The following RPH3AL variants were observed in gnomAD, a reference collection of about 807,000 sequenced individuals.
RPH3AL encodes rab effector Noc2.
Under a neutral mutation model 43.1 loss-of-function variants are expected in RPH3AL, and 38 were observed. The observed-to-expected ratio is 0.88, with a 90% confidence interval of 0.68 to 1.15. The LOEUF is 1.15. Ranked by LOEUF, RPH3AL falls within the 50% of genes most tolerant of loss-of-function variation. RPH3AL has a pLI of 0.00. For synonymous variants in RPH3AL, 189 were observed against 176.3 expected (o/e 1.07, Z -0.57); for missense variants, 462 against 423.2 (o/e 1.09, Z -0.81).
intron 2 of RPH3AL, chr17:331,370 G>A: frequency 6.8e-6 from 1 of 147,738 alleles, no homozygotes; most frequent in Non-Finnish European, 1.3e-5. Flanking sequence ...GCCAGGGCAG[G>A]TTCATCACTG....
intron 8 of RPH3AL, among the ~76,000 whole-genome samples, chr17:219,293 G>A (rs1567559226): frequency 1.6e-5 from 2 of 127,896 alleles, no homozygotes; most frequent in Admixed American, 2.0e-4. Context: ...CCACCCCCTG[G>A]ATTCAGGCAA....
intron 5 of RPH3AL, among the ~76,000 whole-genome samples, chr17:293,746 T>C (rs919463170): frequency 1.3e-5 from 2 of 152,112 alleles, no homozygotes; most frequent in African/African-American, 4.8e-5. Flanking sequence ...CCAGCAAATC[T>C]GGTCGGGCGC....
At chr17:223,741 G>A (rs2041044219) in intron 7 of RPH3AL, among the ~76,000 whole-genome samples, 1 of 152,182 alleles carries the variant, frequency 6.6e-6, no homozygotes, top group Non-Finnish European at 1.5e-5. Context: ...AGAGGCTTCT[G>A]GAAAAGCCTT....
intron 7 of RPH3AL, among the ~76,000 whole-genome samples, chr17:244,312 A>G (rs2041691264): frequency 1.3e-5 from 2 of 151,718 alleles, no homozygotes; most frequent in South Asian, 4.2e-4. Context: ...TCCTCTTCCA[A>G]CAGGGCATGA....
At chr17:229,842 G>T (rs1028010129) in intron 7 of RPH3AL, among the ~76,000 whole-genome samples, 6 of 152,220 alleles carry the variant, frequency 3.9e-5, no homozygotes, top group African/African-American at 1.4e-4. Context: ...GGGAGAAAGG[G>T]GGCTCTGAGG....
chr17:316,622 C>A (rs1252462711), intron 5 of RPH3AL, among the ~76,000 whole-genome samples: 3 of 142,598 alleles, frequency 2.1e-5, no homozygotes, highest in Non-Finnish European at 4.6e-5. Context: ...GACTTGTAGT[C>A]CCTGTACTCC....
chr17:235,251 A>AAAGCTG (rs2041340365), intron 7 of RPH3AL, among the ~76,000 whole-genome samples: 2 of 107,190 alleles, frequency 1.9e-5, no homozygotes, highest in Non-Finnish European at 4.0e-5. Context: ...AGACGGGTCC[A>AAAGCTG]GGGTCCAAAG....
Position 314,755 on chromosome 17 carries a change from GACCTGTAGTCTCTGTGA to G in RPH3AL, c.351+4648_351+4664del, listed in dbSNP as rs1555519022. ...GTAGTCTCTGTGCTCCACCTCCATT[GACCTGTAGTCTCTGTGA>G]CCCCACCTCCATTGACCTGTAGTCC... On this transcript the variant is annotated intron_variant, in intron 5 of 9. Transcript: ENST00000331302. Among the ~76,000 whole-genome samples, 143 of 149,582 alleles carry G rather than the reference GACCTGTAGTCTCTGTGA, an allele frequency of 9.6e-4. 1 individual carries two copies. Among genetic ancestry groups the G allele is most frequent in the Middle Eastern group, 3.6e-3 (1 of 276 alleles).
At chr17:293,885 C>A (rs1169859623) in intron 5 of RPH3AL, among the ~76,000 whole-genome samples, 1 of 151,984 alleles carries the variant, frequency 6.6e-6, no homozygotes, top group Non-Finnish European at 1.5e-5. Flanking sequence ...AAAAATTAGC[C>A]GGGCGCGGTG....
In RPH3AL at chr17:289,615, G is replaced by A. The variant is rs535115918; in HGVS notation, c.352-7761C>T. ...ACTTAAAAGCCATCAGAGGCTTCCCGCTGCTCTGGGGTGACCACCGCCTCA... is the reference window on the plus strand; with the variant it reads ...ACTTAAAAGCCATCAGAGGCTTCCCACTGCTCTGGGGTGACCACCGCCTCA... On this transcript the variant is annotated intron_variant, in intron 5 of 9. Coordinates refer to ENST00000331302, the MANE Select transcript of RPH3AL (RefSeq NM_006987.4). The surrounding 1 kb of genome is among the most constrained non-coding windows in gnomAD (Gnocchi z 5.2). Among the ~76,000 whole-genome samples, 18 of 152,112 alleles carry A rather than the reference G, an allele frequency of 1.2e-4. No homozygotes were observed. The highest frequency in any genetic ancestry group is 1.9e-4 in the African/African-American group (8 of 41,508).
At chr17:262,517 A>G (rs1262545207) in intron 6 of RPH3AL, among the ~76,000 whole-genome samples, 1 of 150,392 alleles carries the variant, frequency 6.6e-6, no homozygotes, top group African/African-American at 2.4e-5. Context: ...CCCGGCCAAC[A>G]AAATAATTTT....
At chr17:310,332 C>T (rs1598067180) in intron 5 of RPH3AL, among the ~76,000 whole-genome samples, 2 of 152,192 alleles carry the variant, frequency 1.3e-5, no homozygotes, top group South Asian at 2.1e-4. Context: ...TCGGCTTCCA[C>T]CCACAAGCTC....
At chr17:317,521 C>G (rs74192827) in intron 5 of RPH3AL, among the ~76,000 whole-genome samples, 3 of 151,916 alleles carry the variant, frequency 2.0e-5, no homozygotes, top group African/African-American at 7.3e-5. Context: ...GCCCCCACCT[C>G]CATTGACCTG....
rs1228020145 is a variant in RPH3AL at position 225,989 on chromosome 17, G to A, written c.614-6253C>T. 3.3e-5 allele frequency among the ~76,000 whole-genome samples: 5 copies of A among 152,218 alleles called. No individual in the cohort carries two copies. Among genetic ancestry groups the A allele is most frequent in the Admixed American group, 6.5e-5 (1 of 15,280 alleles). ...AGTTGGGCTGGGAGCAGGCGAAAACGGCAAGACAACCGTGAACCATGCCGT... is the reference window on the plus strand; with the variant it reads ...AGTTGGGCTGGGAGCAGGCGAAAACAGCAAGACAACCGTGAACCATGCCGT... On this transcript the variant is annotated intron_variant, in intron 7 of 9. Transcript: ENST00000331302. This position sits in a 1 kb window ranked among gnomAD's most constrained non-coding sequence, Gnocchi z 4.4.
chr17:312,674 G>C (rs543811899), intron 5 of RPH3AL, among the ~76,000 whole-genome samples: 56 of 152,330 alleles, frequency 3.7e-4, no homozygotes, highest in African/African-American at 1.3e-3. Context: ...CAATGGGCCA[G>C]GCAGTCTGCT....
rs571196636 is a variant in RPH3AL at position 294,297 on chromosome 17, AC to A, written c.352-12444del. 7.9e-3 allele frequency among the ~76,000 whole-genome samples: 61 copies of A among 7,718 alleles called. 1 individual carries two copies. Among genetic ancestry groups the A allele is most frequent in the Middle Eastern group, 0.17 (1 of 6 alleles). The allele number at this position is 7,718 out of a possible 152,430, so 5.1% of individuals were successfully genotyped here. A position where few individuals can be genotyped will look rare whatever the true frequency, so the allele number is the denominator to read the frequency against. ...GGCAACATAGCAAGACCCCGTCTCT[AC>A]AAAAAAAAAAATACAAAAATTAGCC... is the stretch of plus-strand genomic sequence containing the variant. On this transcript the variant is annotated intron_variant, in intron 5 of 9. Coordinates refer to ENST00000331302, the MANE Select transcript of RPH3AL (RefSeq NM_006987.4).
intron 2 of RPH3AL, among the ~76,000 whole-genome samples, chr17:329,366 C>G (rs1026344961): frequency 3.9e-5 from 6 of 152,124 alleles, no homozygotes; most frequent in African/African-American, 1.2e-4. Flanking sequence ...ATCCCAGCTA[C>G]TGAGGAGGCT....
At chr17:324,756 C>T (rs1452823647) in intron 3 of RPH3AL, among the ~76,000 whole-genome samples, 1 of 144,196 alleles carries the variant, frequency 6.9e-6, no homozygotes, top group Non-Finnish European at 1.5e-5. Flanking sequence ...GACAGAGTCT[C>T]GGTCTGTCGC....
intron 6 of RPH3AL, among the ~76,000 whole-genome samples, chr17:268,060 T>A (rs1037167217): frequency 1.3e-5 from 2 of 152,104 alleles, no homozygotes; most frequent in Non-Finnish European, 2.9e-5. Flanking sequence ...ATCTCTTGCT[T>A]TTCTAGTTTA....
Sources: allele counts gnomAD v4.1 joint callset (sites outside exome capture counted in the v4.1 genomes callset), GRCh38; gene constraint gnomAD v4.1.1; non-coding constraint Gnocchi (gnomAD v3.1); transcripts MANE v1.5; gene names NCBI Gene and HGNC (gene_info 2026-07-23, HGNC 2026-07-21).